The following RREB1 variants were observed in gnomAD, a reference collection of about 807,000 sequenced individuals.
The protein encoded by RREB1 is ras responsive element binding protein 1, also known as ras-responsive element-binding protein 1.
A neutral mutation model predicts 117.8 loss-of-function variants in RREB1; 27 were observed. The observed-to-expected ratio is 0.23, with a 90% CI of 0.17 to 0.32. The LOEUF (loss-of-function observed/expected upper bound fraction) is 0.32. Ranked by LOEUF, RREB1 falls within the 10% of genes least tolerant of loss-of-function variation. The pLI is 1.00. For synonymous variants in RREB1, 1,298 were observed against 1,026.7 expected, an observed-to-expected ratio of 1.26 and a Z score of -5.05; for missense variants, 2,577 against 2,378.2, an observed-to-expected ratio of 1.08 and a Z score of -1.74.
At chr6:7,202,552 T>G (rs1766044929) in intron 6 of RREB1, among the ~76,000 whole-genome samples, 2 of 152,130 alleles carry the variant, frequency 1.3e-5, no homozygotes, top group Non-Finnish European at 2.9e-5. Flanking sequence ...TCTGGGCTCT[T>G]GAGATCACTT....
At chr6:7,112,559 G>C (rs533822803) in intron 1 of RREB1, among the ~76,000 whole-genome samples, 7 of 152,286 alleles carry the variant, frequency 4.6e-5, no homozygotes, top group Admixed American at 6.5e-5. Context: ...ATTTCCACAG[G>C]GGGGTGAGGG....
chr6:7,242,703 G>GA (rs1054372135), intron 11 of RREB1, among the ~76,000 whole-genome samples: 3 of 151,178 alleles, frequency 2.0e-5, no homozygotes, highest in Non-Finnish European at 3.0e-5. Flanking sequence ...AAAAAAAAGG[G>GA]GGGGGGGGAA....
Position 7,230,819 on chromosome 6 carries a change from T to A in RREB1, c.2720T>A (p.Leu907Gln), listed in dbSNP as rs746426713. 1.2e-6 allele frequency: 2 copies of A among 1,614,238 alleles called. No homozygotes were observed. The highest frequency in any genetic ancestry group is 1.7e-6 in the Non-Finnish European group (2 of 1,180,034). The change falls in exon 10 of 13, where the codon CTG becomes CAG. Residue 907 changes from leucine to glutamine, a missense_variant. Physicochemically the swap from Leu to Gln is moderately radical, Grantham distance 113 (BLOSUM62 -2). Coordinates refer to ENST00000379938, the MANE Select transcript of RREB1 (RefSeq NM_001003699.4). ...NEPLDFSQKG[L>Q]ALVQVKQENI... Reference sequence around the variant, plus strand: ...CCCCTGGACTTCTCGCAGAAGGGCCTGGCCCTGGTCCAAGTGAAGCAGGAA... The same window carrying A: ...CCCCTGGACTTCTCGCAGAAGGGCCAGGCCCTGGTCCAAGTGAAGCAGGAA...
chr6:7,192,338 G>A (rs910198862), intron 6 of RREB1, among the ~76,000 whole-genome samples: 7 of 151,658 alleles, frequency 4.6e-5, no homozygotes, highest in African/African-American at 7.3e-5. Flanking sequence ...GACTACAGGC[G>A]TGCACCACCA....
chr6:7,230,428 G>C lies in RREB1; in HGVS notation c.2329G>C (p.Gly777Arg). The C allele has an allele frequency of 6.3e-7, 1 of 1,590,984 alleles. No homozygotes were observed. The highest frequency in any genetic ancestry group is 8.5e-7 in the Non-Finnish European group (1 of 1,174,558). ...ALRIHMRTHC[G>R]RGLGGGHKGR... ...GCGCATCCACATGCGCACGCACTGC[G>C]GCCGCGGCCTGGGCGGGGGCCACAA... Residue 777 changes from glycine (G) to arginine (R), a missense_variant, in exon 10 of 13, where the codon GGC (glycine) becomes CGC (arginine). Physicochemically the swap from Gly to Arg is moderately radical, Grantham distance 125. Coordinates refer to ENST00000379938, the MANE Select transcript of RREB1 (RefSeq NM_001003699.4).
chr6:7,231,805 C>G lies in RREB1; in HGVS notation c.3706C>G (p.Arg1236Gly). The change falls in exon 10 of 13, where the codon CGG becomes GGG. Residue 1236 changes from arginine (R) to glycine (G), a missense_variant. By Grantham distance (125) the Arg-to-Gly change is moderately radical. Coordinates refer to ENST00000379938, the MANE Select transcript of RREB1 (RefSeq NM_001003699.4). ...PPEDKLLRAKRNSYTNCLQKI... is the reference protein window; with the variant it reads ...PPEDKLLRAKGNSYTNCLQKI... Reference sequence around the variant, plus strand: ...AGAAGACAAGCTGCTGAGGGCCAAGCGGAACTCGTACACCAACTGCCTGCA... The same window carrying G: ...AGAAGACAAGCTGCTGAGGGCCAAGGGGAACTCGTACACCAACTGCCTGCA... The G allele has an allele frequency of 1.2e-6, 2 of 1,613,704 alleles. No homozygotes were observed. Among genetic ancestry groups the G allele is most frequent in the African/African-American group, 2.7e-5 (2 of 75,052 alleles).
At chr6:7,218,442 T>A in intron 8 of RREB1, 1 of 151,926 alleles carries the variant, frequency 6.6e-6, no homozygotes, top group East Asian at 1.9e-4. Context: ...TAGTGAGCAC[T>A]GGGGGAGCTA....
At chr6:7,225,358 G>A (rs1325061240) in intron 8 of RREB1, among the ~76,000 whole-genome samples, 1 of 152,208 alleles carries the variant, frequency 6.6e-6, no homozygotes, top group African/African-American at 2.4e-5. Flanking sequence ...AGGCTGAAGT[G>A]ACTGAGGAAC....
Position 7,246,589 on chromosome 6 carries a change from A to T in RREB1, c.4139A>T (p.Glu1380Val). ...TAETASPVHR[E>V]EHGRGESHEP... is the part of the protein sequence containing the mutation. ...GAAACGGCCTCGCCGGTGCACCGGG[A>T]AGAGCACGGGCGTGGGGAGAGCCAT... is the stretch of plus-strand genomic sequence containing the variant. The change falls in exon 12 of 13, where the codon GAA becomes GTA. Residue 1380 changes from glutamate (E) to valine (V), a missense_variant. By Grantham distance (121) the Glu-to-Val change is moderately radical. Transcript: ENST00000379938. 2 of 1,554,938 alleles carry T rather than the reference A, an allele frequency of 1.3e-6. No individual in the cohort carries two copies. Among genetic ancestry groups the T allele is most frequent in the Non-Finnish European group, 8.7e-7 (1 of 1,149,600 alleles).
chr6:7,219,685 C>T (rs2113052711), intron 8 of RREB1, among the ~76,000 whole-genome samples: 1 of 152,292 alleles, frequency 6.6e-6, no homozygotes, highest in African/African-American at 2.4e-5. Context: ...AGGGCTGTGA[C>T]AGTGCCTGTG....
Position 7,229,781 on chromosome 6 carries a change from A to T in RREB1, c.1682A>T (p.His561Leu). 1 of 1,607,632 alleles carries T rather than the reference A, an allele frequency of 6.2e-7. No homozygotes were observed. Among genetic ancestry groups the T allele is most frequent in the African/African-American group, 1.3e-5 (1 of 74,926 alleles). ...KGSVEAASNA[H>L]LLQSKSGTQP... The stretch of plus-strand genomic sequence containing the variant: ...TCAGTGGAGGCGGCCTCCAACGCCC[A>T]CCTGCTGCAGTCCAAGTCCGGGACC... The change falls in exon 10 of 13, where the codon CAC (histidine) becomes CTC (leucine). Residue 561 changes from histidine to leucine, a missense_variant. Physicochemically the swap from His to Leu is moderately conservative, Grantham distance 99. Transcript: ENST00000379938. This position sits in a 1 kb window ranked among gnomAD's most constrained non-coding sequence, Gnocchi z 4.5.
chr6:7,189,086 G>T, intron 5 of RREB1, 73 bp from the exon 6 acceptor site: 1 of 1,404,660 alleles, frequency 7.1e-7, no homozygotes, highest in South Asian at 1.4e-5. Flanking sequence ...TAAAGCTCTG[G>T]ATCTGCATTT....
chr6:7,170,679 A>C (rs888477241), intron 1 of RREB1, among the ~76,000 whole-genome samples: 3 of 152,234 alleles, frequency 2.0e-5, no homozygotes, highest in African/African-American at 4.8e-5. Flanking sequence ...GCATAGATCC[A>C]TTCCTCCCTG....
chr6:7,228,349 T>C (rs1264454616), intron 9 of RREB1, among the ~76,000 whole-genome samples: 1 of 152,100 alleles, frequency 6.6e-6, no homozygotes, highest in Non-Finnish European at 1.5e-5. Flanking sequence ...AATTCTACCC[T>C]TGTGGTATTG....
rs564510595 is a variant in RREB1, at chr6:7,123,900, C to T, written c.-285+15840C>T. Among the ~76,000 whole-genome samples the T allele has an allele frequency of 3.9e-5, 6 of 152,148 alleles. 1 individual carries two copies. Among genetic ancestry groups the T allele is most frequent in the Admixed American group, 2.6e-4 (4 of 15,278 alleles). On this transcript the variant is annotated intron_variant, in intron 1 of 12. Transcript: ENST00000379938. Reference sequence around the variant, plus strand: ...TACTGGGATTACAGGTGTGAGCCACCGCGCCCGGCCTCATGTGATGTGTCT... The same window carrying T: ...TACTGGGATTACAGGTGTGAGCCACTGCGCCCGGCCTCATGTGATGTGTCT...
chr6:7,219,132 C>T (rs1485996827), intron 8 of RREB1: 2 of 136,576 alleles, frequency 1.5e-5, no homozygotes, highest in Admixed American at 7.4e-5. Flanking sequence ...AAGCCAGGCA[C>T]GGTGTCTCAG....
At chr6:7,163,588 G>A (rs954211349) in intron 1 of RREB1, among the ~76,000 whole-genome samples, 1 of 152,088 alleles carries the variant, frequency 6.6e-6, no homozygotes, top group Admixed American at 6.5e-5. Context: ...TAGAGATGGG[G>A]TTTCACCGTG....
intron 8 of RREB1, chr6:7,216,552 G>A (rs936435657): frequency 5.9e-5 from 9 of 152,220 alleles, no homozygotes; most frequent in African/African-American, 1.7e-4. Context: ...CCACCAAAGG[G>A]AAATGCCTTC....
intron 1 of RREB1, among the ~76,000 whole-genome samples, chr6:7,144,510 G>A (rs1363918931): frequency 6.6e-6 from 1 of 151,998 alleles, no homozygotes. Context: ...TAGCATTAAT[G>A]TTAGGATTTT....
Sources: gnomAD v4.1 joint callset for allele counts (sites outside exome capture counted in the v4.1 genomes callset) on GRCh38, gnomAD v4.1.1 for gene constraint, Gnocchi (gnomAD v3.1) non-coding constraint, MANE v1.5 for transcripts, NCBI Gene and HGNC (gene_info 2026-07-23, HGNC 2026-07-21) for gene names.